The following NEGR1 variants were observed in gnomAD, a reference collection of about 807,000 sequenced individuals.
The protein encoded by NEGR1 is neuronal growth regulator 1, also known as IgLON family member 4.
A neutral mutation model predicts 40.9 loss-of-function variants in NEGR1; 10 were observed. The observed-to-expected ratio is 0.24, with a 90% CI of 0.15 to 0.42. NEGR1 has a LOEUF of 0.42. Among genes scored for constraint, NEGR1 ranks in the 10% least tolerant of loss-of-function variants. The pLI is 1.00. For missense variants in NEGR1, 352 were observed against 438.9 expected, an observed-to-expected ratio of 0.80 and a Z score of 1.77; for synonymous variants, 185 against 166.8, an observed-to-expected ratio of 1.11 and a Z score of -0.84.
At chr1:71,908,214 C>CAA (rs80097153) in intron 2 of NEGR1, among the ~76,000 whole-genome samples, 4,131 of 112,564 alleles carry the variant, frequency 0.037, 115 homozygotes, top group South Asian at 0.12. Flanking sequence ...AATGCCACTA[C>CAA]AAAAAAAAAA....
chr1:72,078,147 T>G (rs1309448589), intron 1 of NEGR1, among the ~76,000 whole-genome samples: 3 of 152,176 alleles, frequency 2.0e-5, no homozygotes, highest in Non-Finnish European at 4.4e-5. Context: ...CTAGTAGTAC[T>G]AATTTATTAC....
chr1:71,686,569 C>T (rs1355139248), intron 4 of NEGR1, among the ~76,000 whole-genome samples: 1 of 152,192 alleles, frequency 6.6e-6, no homozygotes, highest in Non-Finnish European at 1.5e-5. Context: ...TGGCCCATGT[C>T]ACTTCTGCTT....
intron 1 of NEGR1, among the ~76,000 whole-genome samples, chr1:72,133,508 T>A (rs7413319): frequency 0.23 from 34,268 of 151,906 alleles, 4,436 homozygotes; most frequent in South Asian, 0.3. Context: ...CACTCAGATC[T>A]ATGTTATCAA....
chr1:71,929,552 G>A (rs1282318503), intron 2 of NEGR1, among the ~76,000 whole-genome samples: 3 of 152,100 alleles, frequency 2.0e-5, no homozygotes, highest in African/African-American at 7.2e-5. Flanking sequence ...AGCCATTATT[G>A]CATCCAGACA....
At chr1:71,529,184 A>C (rs1037754017) in intron 6 of NEGR1, among the ~76,000 whole-genome samples, 9 of 151,228 alleles carry the variant, frequency 6.0e-5, no homozygotes, top group Admixed American at 4.6e-4. Flanking sequence ...GCATTAAACA[A>C]ATATTTAATT....
At chr1:72,014,610 C>T (rs1646692530) in intron 1 of NEGR1, among the ~76,000 whole-genome samples, 2 of 151,806 alleles carry the variant, frequency 1.3e-5, no homozygotes, top group Non-Finnish European at 2.9e-5. Flanking sequence ...ATGCACAAAA[C>T]CTTTAAAAAT....
intron 6 of NEGR1, among the ~76,000 whole-genome samples, chr1:71,543,050 G>C (rs1401304271): frequency 6.6e-6 from 1 of 151,704 alleles, no homozygotes; most frequent in African/African-American, 2.4e-5. Context: ...TGCTTATGTA[G>C]TTCCTGTCTT....
intron 6 of NEGR1, among the ~76,000 whole-genome samples, chr1:71,459,467 A>G (rs534761309): frequency 1.8e-4 from 28 of 152,244 alleles, no homozygotes; most frequent in African/African-American, 6.5e-4. Flanking sequence ...CTGCCCATCA[A>G]CTTGGGCTGG....
At chr1:71,931,173 T>C (rs939681263) in intron 2 of NEGR1, among the ~76,000 whole-genome samples, 25 of 152,212 alleles carry the variant, frequency 1.6e-4, no homozygotes, top group African/African-American at 6.0e-4. Flanking sequence ...TTAAATACCT[T>C]TGAGAAGTTA....
chr1:71,401,433 T>C lies in NEGR1; in HGVS notation c.*6013A>G, dbSNP rs933249084. ...TATTCATTTCATAAGTGTATGAAAA[T>C]CACACTTTTTATGTTTTTCAAACTA... On this transcript the variant is annotated 3_prime_UTR_variant, in exon 7 of 7. Coordinates refer to ENST00000357731, the MANE Select transcript of NEGR1 (RefSeq NM_173808.3). The C allele has an allele frequency of 2.0e-5, 3 of 152,214 alleles. No individual in the cohort carries two copies. Among genetic ancestry groups the C allele is most frequent in the Non-Finnish European group, 2.9e-5 (2 of 68,026 alleles). The allele number at this position is 152,214 out of a possible 1,614,324, so 9.4% of individuals were successfully genotyped here.
chr1:72,181,571 C>T (rs574997887), intron 1 of NEGR1, among the ~76,000 whole-genome samples: 1 of 152,062 alleles, frequency 6.6e-6, no homozygotes, highest in Non-Finnish European at 1.5e-5. Context: ...GAGGCATATA[C>T]CCACCCTACT....
chr1:71,711,681 T>C (rs1557623539), intron 3 of NEGR1, among the ~76,000 whole-genome samples: 1 of 152,152 alleles, frequency 6.6e-6, no homozygotes, highest in Non-Finnish European at 1.5e-5. Context: ...AACAACTGTG[T>C]GAATGATTAT....
At chr1:71,742,889 C>T (rs1365168559) in intron 3 of NEGR1, among the ~76,000 whole-genome samples, 1 of 152,066 alleles carries the variant, frequency 6.6e-6, no homozygotes, top group Non-Finnish European at 1.5e-5. Context: ...TTGTGTTCCC[C>T]CAAAATTCAG....
chr1:71,702,569 T>A (rs961871533), intron 3 of NEGR1, among the ~76,000 whole-genome samples: 2 of 152,004 alleles, frequency 1.3e-5, no homozygotes, highest in African/African-American at 4.8e-5. Context: ...TTAAAAAGTA[T>A]TAGAATATTT....
rs1463387031 is a variant in NEGR1, at chr1:71,680,957, T to C, written c.667+17051A>G. 2.0e-5 allele frequency among the ~76,000 whole-genome samples: 3 copies of C among 152,336 alleles called. No individual in the cohort carries two copies. In the East Asian group the frequency reaches 5.8e-4, roughly 29 times the overall value. On this transcript the variant is annotated intron_variant, in intron 4 of 6. Transcript: ENST00000357731. ...CAGTAAGAAACATTCCCACAATTTC[T>C]AGGTTTCAATATAACAAAAGTTTAC...
intron 3 of NEGR1, among the ~76,000 whole-genome samples, chr1:71,746,671 C>T (rs1192004429): frequency 2.0e-5 from 3 of 151,698 alleles, no homozygotes; most frequent in Non-Finnish European, 4.4e-5. Flanking sequence ...TCAAAATACT[C>T]ACACAATGTC....
intron 1 of NEGR1, among the ~76,000 whole-genome samples, chr1:72,061,959 T>A (rs756616619): frequency 3.3e-5 from 5 of 151,784 alleles, no homozygotes; most frequent in African/African-American, 1.2e-4. Context: ...CCAGACTTCT[T>A]CCCACATTGC....
intron 1 of NEGR1, among the ~76,000 whole-genome samples, chr1:72,178,739 CCTTT>C (rs1223662572): frequency 1.3e-5 from 2 of 151,192 alleles, no homozygotes; most frequent in Admixed American, 1.3e-4. Flanking sequence ...TTAATAGTAG[CCTTT>C]CTGACTGGTG....
chr1:72,190,539 T>G (rs1339261203), intron 1 of NEGR1, among the ~76,000 whole-genome samples: 4 of 151,692 alleles, frequency 2.6e-5, no homozygotes, highest in Non-Finnish European at 5.9e-5. Flanking sequence ...TAGTTGTTTA[T>G]CAATCCATAA....
Sources: gnomAD v4.1 joint callset for allele counts (sites outside exome capture counted in the v4.1 genomes callset) on GRCh38, gnomAD v4.1.1 for gene constraint, MANE v1.5 for transcripts, NCBI Gene and HGNC (gene_info 2026-07-23, HGNC 2026-07-21) for gene names.